The following UBE2D1 variants were observed in gnomAD, a reference collection of about 807,000 sequenced individuals.
UBE2D1 encodes ubiquitin-conjugating enzyme E2 D1.
Under a neutral mutation model 24.6 loss-of-function variants are expected in UBE2D1, and 9 were observed. The observed-to-expected ratio is 0.37, with a 90% CI of 0.22 to 0.64. UBE2D1 has a LOEUF of 0.64. Among genes scored for constraint, UBE2D1 ranks in the 30% least tolerant of loss-of-function variants. The pLI, the probability that UBE2D1 is intolerant of heterozygous loss-of-function variation, is 0.64. For synonymous variants in UBE2D1, 57 were observed against 57.6 expected (o/e 0.99, Z 0.04); for missense variants, 87 against 177.1 (o/e 0.49, Z 2.89).
intron 1 of UBE2D1, among the ~76,000 whole-genome samples, chr10:58,347,639 C>CT (rs774396274): frequency 0.037 from 4,294 of 116,136 alleles, 235 homozygotes; most frequent in African/African-American, 0.1. Flanking sequence ...AAATTACACT[C>CT]TTTTTTTTTT....
chr10:58,357,259 A>G (rs896878176), intron 1 of UBE2D1, among the ~76,000 whole-genome samples: 22 of 152,288 alleles, frequency 1.4e-4, no homozygotes, highest in Middle Eastern at 3.4e-3. Context: ...TAACATAAAA[A>G]TCCTTAAATT....
intron 1 of UBE2D1, among the ~76,000 whole-genome samples, chr10:58,343,092 A>C (rs1839980241): frequency 6.6e-6 from 1 of 152,028 alleles, no homozygotes; most frequent in Admixed American, 6.5e-5. Context: ...TAGCCTCCCA[A>C]GTGGGGACTT....
chr10:58,335,414 C>T (rs1258944344), intron 1 of UBE2D1, among the ~76,000 whole-genome samples, 189 bp downstream of exon 1: 3 of 152,230 alleles, frequency 2.0e-5, no homozygotes, highest in Non-Finnish European at 4.4e-5. Flanking sequence ...AGGGTCAGGT[C>T]CCAGGCGGCC....
chr10:58,370,058 T>C lies in UBE2D1; in HGVS notation c.*1293T>C, dbSNP rs1840298414. 1 of 151,938 alleles carries C rather than the reference T, an allele frequency of 6.6e-6. No individual in the cohort carries two copies. Among genetic ancestry groups the C allele is most frequent in the Admixed American group, 6.6e-5 (1 of 15,234 alleles). The allele number at this position is 151,938 out of a possible 1,614,324, so 9.4% of individuals were successfully genotyped here. ...TCACAATTTGAAAAACTTTTTTTTT[T>C]TTTTTACTATAGAAGTTACAAAGGA... On this transcript the variant is annotated 3_prime_UTR_variant, in exon 7 of 7. Transcript: ENST00000373910.
intron 3 of UBE2D1, among the ~76,000 whole-genome samples, chr10:58,361,877 A>G (rs1253414617): frequency 6.6e-6 from 1 of 151,414 alleles, no homozygotes; most frequent in Non-Finnish European, 1.5e-5. Flanking sequence ...TTGGTAGGTT[A>G]GAAATTAGTC....
chr10:58,362,676 T>G (rs113831699), intron 3 of UBE2D1, among the ~76,000 whole-genome samples: 2,995 of 152,206 alleles, frequency 0.02, 106 homozygotes, highest in African/African-American at 0.066. Context: ...ATATCTGTCA[T>G]TGTAATTTAT....
chr10:58,341,424 A>AT (rs374178678), intron 1 of UBE2D1, among the ~76,000 whole-genome samples: 9 of 151,842 alleles, frequency 5.9e-5, no homozygotes, highest in African/African-American at 2.2e-4. Flanking sequence ...CACGATGTAA[A>AT]TTTTTTTTTA....
intron 1 of UBE2D1, among the ~76,000 whole-genome samples, chr10:58,339,013 A>T (rs965982805): frequency 2.0e-5 from 3 of 152,234 alleles, no homozygotes; most frequent in Non-Finnish European, 4.4e-5. Flanking sequence ...TGATTTGTAG[A>T]ATTTTATGTT....
At chr10:58,356,487 ATTGATGGACCTTTAGG>A (rs1840132418) in intron 1 of UBE2D1, among the ~76,000 whole-genome samples, 1 of 152,072 alleles carries the variant, frequency 6.6e-6, no homozygotes, top group Admixed American at 6.6e-5. Flanking sequence ...CCATTCTCTT[ATTGATGGACCTTTAGG>A]TTATTTCAGT....
At position 58,370,367 on chromosome 10, in the gene UBE2D1, G is replaced by A. The variant is rs911936485; in HGVS notation, c.*1602G>A. The stretch of plus-strand genomic sequence containing the variant: ...AGCATTTAAATCACTTGAGTATTTT[G>A]TCATGGTTCATTATTATTAAAGCAC... On this transcript the variant is annotated 3_prime_UTR_variant, in exon 7 of 7. Coordinates refer to ENST00000373910, the MANE Select transcript of UBE2D1 (RefSeq NM_003338.5). 4 of 152,454 alleles carry A rather than the reference G, an allele frequency of 2.6e-5. No homozygotes were observed. The highest frequency in any genetic ancestry group is 3.2e-3 in the Middle Eastern group (1 of 314). The allele number at this position is 152,454 out of a possible 1,614,324, so 9.4% of individuals were successfully genotyped here. A position where few individuals can be genotyped will look rare whatever the true frequency, so the allele number is the denominator to read the frequency against.
intron 1 of UBE2D1, among the ~76,000 whole-genome samples, chr10:58,343,554 G>A (rs1402980626): frequency 6.6e-6 from 1 of 152,018 alleles, no homozygotes; most frequent in Admixed American, 6.5e-5. Context: ...CATATATAGG[G>A]AGAGCAAATG....
intron 1 of UBE2D1, among the ~76,000 whole-genome samples, chr10:58,335,585 T>C (rs908661103): frequency 3.3e-5 from 5 of 152,248 alleles, no homozygotes; most frequent in African/African-American, 4.8e-5. Context: ...ACCCCTGTCA[T>C]GCTGTGTTTT....
rs756297696 is a variant in UBE2D1, at chr10:58,363,702, TG to T, written c.198+17del. ...ACCACCAAAGGTATTTTTATTTTTA[TG>T]ATTGATGTGACTCCCATGTAAGAGA... On this transcript the variant is annotated intron_variant, in intron 4 of 6. Coordinates refer to ENST00000373910, the MANE Select transcript of UBE2D1 (RefSeq NM_003338.5). 3 of 1,550,886 alleles carry T rather than the reference TG, an allele frequency of 1.9e-6. No individual in the cohort carries two copies. The highest frequency in any genetic ancestry group is 2.7e-6 in the Non-Finnish European group (3 of 1,128,164).
intron 3 of UBE2D1, 70 bp from the exon 4 acceptor site, chr10:58,363,539 G>A (rs1170983141): frequency 5.5e-6 from 6 of 1,096,702 alleles, no homozygotes; most frequent in African/African-American, 1.6e-5. Context: ...ATAATATTTG[G>A]GGGAAATAAT....
intron 1 of UBE2D1, among the ~76,000 whole-genome samples, chr10:58,345,195 G>A (rs946881787): frequency 6.6e-6 from 1 of 152,044 alleles, no homozygotes; most frequent in Non-Finnish European, 1.5e-5. Context: ...TTCAGTGCTG[G>A]GCACGTGGCT....
chr10:58,366,839 C>T (rs1210595052), intron 5 of UBE2D1, among the ~76,000 whole-genome samples: 1 of 152,048 alleles, frequency 6.6e-6, no homozygotes, highest in Non-Finnish European at 1.5e-5. Flanking sequence ...ACCTCAGCCT[C>T]CCAAGTAGCT....
chr10:58,359,371 C>A (rs79659583), intron 1 of UBE2D1, among the ~76,000 whole-genome samples: 7,403 of 152,188 alleles, frequency 0.049, 348 homozygotes, highest in African/African-American at 0.12. Context: ...TTGATGACAT[C>A]TTAGATTTGA....
At chr10:58,341,192 C>T (rs1418060626) in intron 1 of UBE2D1, among the ~76,000 whole-genome samples, 2 of 152,148 alleles carry the variant, frequency 1.3e-5, no homozygotes, top group Admixed American at 1.3e-4. Flanking sequence ...AGTATCATTG[C>T]ATTGTGAAGT....
intron 1 of UBE2D1, among the ~76,000 whole-genome samples, chr10:58,341,341 C>T (rs997539756): frequency 2.6e-5 from 4 of 152,154 alleles, no homozygotes; most frequent in African/African-American, 7.2e-5. Context: ...TAAAGAAGCA[C>T]GGTATTTATG....
Sources: allele counts gnomAD v4.1 joint callset (sites outside exome capture counted in the v4.1 genomes callset), GRCh38; gene constraint gnomAD v4.1.1; transcripts MANE v1.5; gene names NCBI Gene and HGNC (gene_info 2026-07-23, HGNC 2026-07-21).